SH2B1: variants seen among roughly 807,000 people sequenced by gnomAD.
SH2B1 encodes the protein SH2B adaptor protein 1.
In SH2B1, 15 loss-of-function variants were observed where a neutral mutation model predicts 62.6. The observed-to-expected ratio is 0.24, with a 90% confidence interval of 0.16 to 0.37. The LOEUF (loss-of-function observed/expected upper bound fraction) is 0.37, where lower values mean the gene tolerates loss of function less well. SH2B1 is among the 10% of genes least tolerant of loss of function. The pLI is 1.00. For synonymous variants in SH2B1, 443 were observed against 438.0 expected (o/e 1.01, Z -0.14); for missense variants, 925 against 1,015.6 (o/e 0.91, Z 1.21).
At chr16:28,851,324 C>T (rs2152153753) in intron 1 of SH2B1, among the ~76,000 whole-genome samples, 1 of 152,156 alleles carries the variant, frequency 6.6e-6, no homozygotes, top group East Asian at 1.9e-4. Context: ...CAAATGGAAT[C>T]CCCAGTGTGA....
intron 1 of SH2B1, among the ~76,000 whole-genome samples, chr16:28,852,196 T>TTACATA (rs1962115370): frequency 8.4e-5 from 7 of 82,920 alleles, no homozygotes; most frequent in Non-Finnish European, 1.4e-4. Flanking sequence ...ATATTTTTAT[T>TTACATA]TATATATTTA....
chr16:28,871,801 A>T lies in SH2B1; in HGVS notation c.1331A>T (p.Asp444Val). 1.9e-6 allele frequency: 3 copies of T among 1,613,680 alleles called. No homozygotes were observed. Among genetic ancestry groups the T allele is most frequent in the Non-Finnish European group, 2.5e-6 (3 of 1,179,844 alleles). The stretch of plus-strand genomic sequence containing the variant: ...CCAGGGGCATATGGGGGCCTCTCAG[A>T]CCGCCCCTCGGCATCCATCTCCCCC... ...LSQGAYGGLS[D>V]RPSASISPSS... The change falls in exon 5 of 8, where the codon GAC becomes GTC. Residue 444 changes from aspartate (D) to valine (V), a missense_variant. Around this residue, in one of 3 missense-constraint regions of SH2B1, gnomAD observed 683 missense variants for 704.0 expected, o/e 0.97. Transcript: ENST00000684370.
At position 28,871,782 on chromosome 16, in the gene SH2B1, G is replaced by A; in HGVS notation, c.1312G>A (p.Ala438Thr). The part of the protein sequence containing the change: ...SESNDRLSQG[A>T]YGGLSDRPSA... ...AGCTTTGCCCTTTTTTTTTCCAGGGGCATATGGGGGCCTCTCAGACCGCCC... is the reference window on the plus strand; with the variant it reads ...AGCTTTGCCCTTTTTTTTTCCAGGGACATATGGGGGCCTCTCAGACCGCCC... Residue 438 changes from alanine to threonine, a missense_variant and splice_region_variant, in exon 5 of 8, where the codon GCA (alanine) becomes ACA (threonine). Ala to Thr is a moderately conservative substitution (Grantham distance 58). Coordinates refer to ENST00000684370, the MANE Select transcript of SH2B1 (RefSeq NM_001387430.1). 6.2e-7 allele frequency: 1 copy of A among 1,612,180 alleles called. No homozygotes were observed. The highest frequency in any genetic ancestry group is 1.1e-5 in the South Asian group (1 of 90,900).
chr16:28,852,416 T>TTACA (rs1962147607), intron 1 of SH2B1, among the ~76,000 whole-genome samples: 1 of 26,138 alleles, frequency 3.8e-5, no homozygotes, highest in Non-Finnish European at 6.5e-5. Context: ...ACATATATAT[T>TTACA]TATATATTTA....
At chr16:28,871,423 G>C (rs945538016) in intron 4 of SH2B1, among the ~76,000 whole-genome samples, 2 of 152,166 alleles carry the variant, frequency 1.3e-5, no homozygotes, top group South Asian at 4.1e-4. Context: ...CAGGAACTCA[G>C]GGCCAACCTG....
upstream of SH2B1, chr16:28,863,670 G>C: frequency 6.5e-7 from 1 of 1,534,828 alleles, no homozygotes; most frequent in Non-Finnish European, 8.7e-7. Flanking sequence ...GCTTTTAGGT[G>C]CAACTGGAGA....
At position 28,853,057 on chromosome 16, in the gene SH2B1, CAT is replaced by C. The variant is rs568340353; in HGVS notation, c.-301+6237_-301+6238del. Among the ~76,000 whole-genome samples, 7 of 86,388 alleles carry C rather than the reference CAT, an allele frequency of 8.1e-5. 1 individual carries two copies. The South Asian group carries it at 1.3e-3, about 16-fold the overall frequency. The allele number at this position is 86,388 out of a possible 152,430, so 56.7% of individuals were successfully genotyped here. A position where few individuals can be genotyped will look rare whatever the true frequency, so the allele number is the denominator to read the frequency against. The stretch of plus-strand genomic sequence containing the variant: ...ATGTACATATATATTTATATATGTA[CAT>C]ATATATGTACATATATATTTATATA... On this transcript the variant is annotated intron_variant, in intron 1 of 10. Coordinates refer to the SH2B1 transcript ENST00000322610.
At chr16:28,853,887 G>A (rs945984923) in intron 1 of SH2B1, among the ~76,000 whole-genome samples, 3 of 150,482 alleles carry the variant, frequency 2.0e-5, no homozygotes, top group Non-Finnish European at 2.9e-5. Context: ...TGTAGTCCCA[G>A]CTACTCGGGA....
At position 28,864,444 on chromosome 16, in the gene SH2B1, C is replaced by G. The variant is rs576320389; in HGVS notation, c.-1651C>G. The G allele has an allele frequency of 8.1e-6, 8 of 986,554 alleles. No homozygotes were observed. The East Asian group carries it at 8.9e-4, about 110-fold the overall frequency. 61.1% of individuals were successfully genotyped at this position (986,554 alleles called of 1,614,324 possible). A position where few individuals can be genotyped will look rare whatever the true frequency, so the allele number is the denominator to read the frequency against. ...CTGGAGATTGGTTTGCACTTCTTGG[C>G]TGGGTTCCCCCGTGCTCCATGACTC... On this transcript the variant is annotated 5_prime_UTR_variant, in exon 1 of 8. Coordinates refer to ENST00000684370, the MANE Select transcript of SH2B1 (RefSeq NM_001387430.1).
intron 2 of SH2B1, among the ~76,000 whole-genome samples, chr16:28,868,769 T>C (rs927450851): frequency 7.9e-5 from 12 of 151,744 alleles, no homozygotes; most frequent in African/African-American, 2.9e-4. Flanking sequence ...CCTTATTTTA[T>C]TTTTCAATTT....
Position 28,866,194 on chromosome 16 carries a change from G to A in SH2B1, c.100G>A (p.Ala34Thr), listed in dbSNP as rs1177602899. 6.8e-7 allele frequency: 1 copy of A among 1,477,852 alleles called. No individual in the cohort carries two copies. The allele number at this position is 1,477,852 out of a possible 1,614,324, so 91.5% of individuals were successfully genotyped here. A position where few individuals can be genotyped will look rare whatever the true frequency, so the allele number is the denominator to read the frequency against. The change falls in exon 1 of 8, where the codon GCC (alanine) becomes ACC (threonine). Residue 34 changes from alanine (A) to threonine (T), a missense_variant. By Grantham distance (58) the Ala-to-Thr change is moderately conservative (BLOSUM62 0). Coordinates refer to ENST00000684370, the MANE Select transcript of SH2B1 (RefSeq NM_001387430.1). The surrounding 1 kb of genome is among the most constrained non-coding windows in gnomAD (Gnocchi z 6.3). ...TTGGCGGGAGTTCTGTGAGTCCCAC[G>A]CCCGGGCTGCGGCTCTGGACTTTGC... ...PSWREFCESH[A>T]RAAALDFARR...
chr16:28,859,426 A>C (rs184099520), upstream of SH2B1, among the ~76,000 whole-genome samples: 1 of 152,046 alleles, frequency 6.6e-6, no homozygotes, highest in East Asian at 1.9e-4. Context: ...CTCATCAGAC[A>C]CCCCTGTTTT....
At chr16:28,849,541 A>C (rs1962052366) in intron 1 of SH2B1, among the ~76,000 whole-genome samples, 1 of 152,094 alleles carries the variant, frequency 6.6e-6, no homozygotes, top group Admixed American at 6.6e-5. Flanking sequence ...TGCTATATTT[A>C]TTTTAATGTG....
intron 1 of SH2B1, among the ~76,000 whole-genome samples, chr16:28,857,992 GC>G (rs754270437): frequency 1.8e-4 from 27 of 152,144 alleles, no homozygotes; most frequent in Middle Eastern, 6.8e-3. Flanking sequence ...GCCCACCTCA[GC>G]CTCCCAAAGT....
At chr16:28,863,818 G>GA, upstream of SH2B1, 1 of 1,534,920 alleles carries the variant, frequency 6.5e-7, no homozygotes, top group Non-Finnish European at 8.7e-7. Flanking sequence ...TCAGCGACGG[G>GA]AAAGGGGGTC....
intron 1 of SH2B1, among the ~76,000 whole-genome samples, chr16:28,854,428 G>T (rs1476142443): frequency 2.0e-5 from 3 of 152,038 alleles, no homozygotes; most frequent in Non-Finnish European, 4.4e-5. Flanking sequence ...ATCATGGTAG[G>T]TGAATTATAT....
intron 1 of SH2B1, among the ~76,000 whole-genome samples, chr16:28,847,168 G>T (rs2152149262): frequency 6.6e-6 from 1 of 152,314 alleles, no homozygotes. Context: ...AGGAGCCAAG[G>T]ATGAGGAGCC....
chr16:28,863,537 G>T, upstream of SH2B1: 1 of 761,642 alleles, frequency 1.3e-6, no homozygotes, highest in Non-Finnish European at 2.0e-6. Context: ...GCCCTCAGCC[G>T]GGCCCTGGGA....
In SH2B1 at chr16:28,873,073, C is replaced by A; in HGVS notation, c.1897+368C>A. ...CTTCCCGGGGACACTCGGTCTGATC[C>A]CCTTCCCTCCTCCCTCAATGTCTCA... On this transcript the variant is annotated intron_variant, in intron 7 of 7. Coordinates refer to ENST00000684370, the MANE Select transcript of SH2B1 (RefSeq NM_001387430.1). This position sits in a 1 kb window ranked among gnomAD's most constrained non-coding sequence, Gnocchi z 4.2. 1 of 837,942 alleles carries A rather than the reference C, an allele frequency of 1.2e-6. No homozygotes were observed. The highest frequency in any genetic ancestry group is 1.8e-6 in the Non-Finnish European group (1 of 547,578). 51.9% of individuals were successfully genotyped at this position (837,942 alleles called of 1,614,324 possible).
Sources: allele counts gnomAD v4.1 joint callset (sites outside exome capture counted in the v4.1 genomes callset), GRCh38; gene constraint gnomAD v4.1.1; regional missense constraint gnomAD v4.1.1; non-coding constraint Gnocchi (gnomAD v3.1); transcripts MANE v1.5; gene names NCBI Gene and HGNC (gene_info 2026-07-23, HGNC 2026-07-21).